The following PCDH15 variants were observed in gnomAD, a reference collection of about 807,000 sequenced individuals.
PCDH15 encodes protocadherin-15.
PCDH15 carries 129 observed loss-of-function variants against 178.5 expected under a neutral mutation model. That is an observed-to-expected ratio of 0.72 (90% CI 0.63 to 0.84). The LOEUF (loss-of-function observed/expected upper bound fraction) is 0.84, where lower values mean the gene tolerates loss of function less well. Among genes scored for constraint, PCDH15 ranks in the 40% least tolerant of loss-of-function variants. The probability of loss-of-function intolerance (pLI) is 0.00; values close to 1 mark genes in which losing one functional copy is unlikely to be tolerated. For missense variants in PCDH15, 2,230 were observed against 2,099.9 expected, an observed-to-expected ratio of 1.06 and a Z score of -1.21; for synonymous variants, 800 against 732.0, an observed-to-expected ratio of 1.09 and a Z score of -1.50.
intron 1 of PCDH15, among the ~76,000 whole-genome samples, chr10:54,754,179 G>GT (rs59075656): frequency 0.5 from 75,594 of 151,114 alleles, 19,412 homozygotes; most frequent in Middle Eastern, 0.67. Flanking sequence ...TTTCATAGTG[G>GT]TTTGGATAAT....
chr10:54,794,087 C>T (rs1400254156), intron 1 of PCDH15, among the ~76,000 whole-genome samples: 2 of 145,206 alleles, frequency 1.4e-5, no homozygotes, highest in Non-Finnish European at 1.5e-5. Context: ...TATATATTTC[C>T]TTTAAGATAT....
chr10:55,225,916 A>C (rs1841023385), intron 1 of PCDH15, among the ~76,000 whole-genome samples: 1 of 152,014 alleles, frequency 6.6e-6, no homozygotes, highest in South Asian at 2.1e-4. Flanking sequence ...AAAGAGTAAG[A>C]GTGAGATACT....
intron 2 of PCDH15, among the ~76,000 whole-genome samples, chr10:55,463,951 A>G (rs1407634475): frequency 2.5e-5 from 1 of 39,722 alleles, no homozygotes; most frequent in African/African-American, 1.6e-4. Context: ...GAAAGAAAGA[A>G]AGAAAGAAAG....
At chr10:53,962,922 C>G (rs1318777011) in intron 21 of PCDH15, among the ~76,000 whole-genome samples, 1 of 152,072 alleles carries the variant, frequency 6.6e-6, no homozygotes, top group African/African-American at 2.4e-5. Flanking sequence ...TTCTTAAAAC[C>G]TAGAAGTCAA....
intron 1 of PCDH15, among the ~76,000 whole-genome samples, chr10:54,776,229 A>C (rs117183179): frequency 6.6e-6 from 1 of 152,080 alleles, no homozygotes; most frequent in Non-Finnish European, 1.5e-5. Context: ...TGCTGCAATA[A>C]ACATTGGGGT....
intron 2 of PCDH15, among the ~76,000 whole-genome samples, chr10:55,131,160 C>A (rs1838031982): frequency 6.6e-6 from 1 of 152,162 alleles, no homozygotes; most frequent in Admixed American, 6.5e-5. Context: ...AGAATAGTTT[C>A]ACTGCCCCAC....
At chr10:53,928,136 G>C (rs2084733132) in intron 25 of PCDH15, among the ~76,000 whole-genome samples, 1 of 152,162 alleles carries the variant, frequency 6.6e-6, no homozygotes, top group Non-Finnish European at 1.5e-5. Context: ...GTGAAGTTGA[G>C]ACAATGAAAC....
chr10:54,725,395 G>T, intron 1 of PCDH15, among the ~76,000 whole-genome samples: 1 of 150,236 alleles, frequency 6.7e-6, no homozygotes, highest in East Asian at 1.9e-4. Flanking sequence ...TAGCAGCTTA[G>T]ATCAGGCATG....
At chr10:55,008,262 A>AG (rs5785108) in intron 2 of PCDH15, among the ~76,000 whole-genome samples, 4,024 of 151,632 alleles carry the variant, frequency 0.027, 284 homozygotes, top group East Asian at 0.23. Context: ...GAAAAAAAAA[A>AG]CAACATTCTC....
chr10:54,109,181 T>G (rs2094969537), intron 15 of PCDH15, among the ~76,000 whole-genome samples: 1 of 152,124 alleles, frequency 6.6e-6, no homozygotes, highest in African/African-American at 2.4e-5. Context: ...TATTTGAAAT[T>G]CCTCACAAAA....
chr10:54,190,560 GC>G (rs1213263449), intron 11 of PCDH15, among the ~76,000 whole-genome samples: 3 of 152,088 alleles, frequency 2.0e-5, no homozygotes, highest in African/African-American at 7.2e-5. Context: ...GAACCACCAT[GC>G]CTGGCTAAGT....
At chr10:54,832,248 G>A (rs1018521605) in intron 3 of PCDH15, among the ~76,000 whole-genome samples, 9 of 152,170 alleles carry the variant, frequency 5.9e-5, no homozygotes, top group African/African-American at 1.2e-4. Context: ...ATAATATTCC[G>A]ATACTGCCCA....
chr10:55,233,596 T>G (rs965435830), intron 1 of PCDH15, among the ~76,000 whole-genome samples: 2 of 151,936 alleles, frequency 1.3e-5, no homozygotes, highest in African/African-American at 2.4e-5. Flanking sequence ...TTGAGTAAAC[T>G]TTACCATTTT....
intron 2 of PCDH15, among the ~76,000 whole-genome samples, chr10:55,127,153 T>C (rs1281512098): frequency 3.3e-5 from 5 of 152,040 alleles, no homozygotes; most frequent in Admixed American, 2.6e-4. Context: ...AGTGAATCAA[T>C]TGACACAAGA....
At chr10:54,166,939 C>A (rs958038565) in intron 13 of PCDH15, among the ~76,000 whole-genome samples, 1 of 152,182 alleles carries the variant, frequency 6.6e-6, no homozygotes, top group Non-Finnish European at 1.5e-5. Context: ...CACTCCTGCC[C>A]GCCAGAGAAC....
At chr10:54,334,451 G>A (rs938041365) in intron 6 of PCDH15, among the ~76,000 whole-genome samples, 16 of 152,036 alleles carry the variant, frequency 1.1e-4, no homozygotes, top group Admixed American at 9.2e-4. Context: ...TAGATAAAAC[G>A]GCAGCTCTCT....
At chr10:55,089,478 C>T (rs1265265978) in intron 2 of PCDH15, among the ~76,000 whole-genome samples, 1 of 151,984 alleles carries the variant, frequency 6.6e-6, no homozygotes, top group Non-Finnish European at 1.5e-5. Flanking sequence ...AAATTAAGAA[C>T]AGCAAAATAG....
chr10:55,258,273 T>C (rs10763190), intron 1 of PCDH15, among the ~76,000 whole-genome samples: 102,670 of 151,974 alleles, frequency 0.68, 34,804 homozygotes, highest in East Asian at 0.84. Flanking sequence ...TTAATTAGTT[T>C]TTGAATGACC....
intron 2 of PCDH15, among the ~76,000 whole-genome samples, chr10:55,474,305 C>T (rs897093837): frequency 6.6e-6 from 1 of 152,170 alleles, no homozygotes; most frequent in African/African-American, 2.4e-5. Flanking sequence ...AGTACTGACA[C>T]ACTGAGCAGA....
Sources: gnomAD v4.1 joint callset for allele counts (sites outside exome capture counted in the v4.1 genomes callset) on GRCh38, gnomAD v4.1.1 for gene constraint, MANE v1.5 for transcripts, NCBI Gene and HGNC (gene_info 2026-07-23, HGNC 2026-07-21) for gene names.